CRACR2A: variants seen among roughly 807,000 people sequenced by gnomAD.
The protein encoded by CRACR2A is EF-hand calcium-binding domain-containing protein 4B.
CRACR2A carries 79 observed loss-of-function variants against 90.5 expected under a neutral mutation model. The observed-to-expected ratio is 0.87, with a 90% CI of 0.73 to 1.05. CRACR2A has a LOEUF of 1.05. CRACR2A is among the 50% of genes least tolerant of loss of function. The pLI, the probability that CRACR2A is intolerant of heterozygous loss-of-function variation, is 0.00. For synonymous variants in CRACR2A, 338 were observed against 356.7 expected (o/e 0.95, Z 0.59); for missense variants, 823 against 897.2 (o/e 0.92, Z 1.06).
At chr12:3,748,267 A>G (rs1023434355) in intron 1 of CRACR2A, among the ~76,000 whole-genome samples, 1 of 152,120 alleles carries the variant, frequency 6.6e-6, no homozygotes, top group Non-Finnish European at 1.5e-5. Context: ...GGCCCTTGGA[A>G]TCTGAACCAC....
intron 17 of CRACR2A, among the ~76,000 whole-genome samples, chr12:3,625,876 A>G (rs1306691637): frequency 6.6e-6 from 1 of 152,044 alleles, no homozygotes; most frequent in Non-Finnish European, 1.5e-5. Context: ...TGCAAAGAAG[A>G]TAAATCTGCT....
intron 1 of CRACR2A, among the ~76,000 whole-genome samples, chr12:3,733,872 G>GACACACACAC (rs56412036): frequency 2.1e-4 from 28 of 136,094 alleles, no homozygotes; most frequent in Admixed American, 7.4e-5. Context: ...AAATTTTCAG[G>GACACACACAC]ACACACACAC....
In CRACR2A at chr12:3,748,658, T is replaced by C. The variant is rs117782464; in HGVS notation, c.-387+4357A>G. 9.4e-4 allele frequency among the ~76,000 whole-genome samples: 143 copies of C among 152,104 alleles called. 2 individuals carry two copies. The East Asian group carries it at 0.023, about 24-fold the overall frequency. On this transcript the variant is annotated intron_variant, in intron 1 of 19. Coordinates refer to ENST00000440314, the MANE Select transcript of CRACR2A (RefSeq NM_001144958.2). ...GTCCCTAATATTGAACTTCAAGAGG[T>C]CCTTCCTGTATCTAACTCAGCCTTC...
intron 6 of CRACR2A, among the ~76,000 whole-genome samples, chr12:3,676,276 C>G (rs1429576214): frequency 6.6e-6 from 1 of 152,144 alleles, no homozygotes; most frequent in East Asian, 1.9e-4. Flanking sequence ...CTCCCAGCCC[C>G]ACAACACACA....
At chr12:3,733,307 C>T (rs1946391027) in intron 1 of CRACR2A, 97 bp from the exon 2 acceptor site, 1 of 152,342 alleles carries the variant, frequency 6.6e-6, no homozygotes, top group Non-Finnish European at 1.5e-5. Context: ...GACACTGTGG[C>T]TTGCTGAAGC....
intron 2 of CRACR2A, 28 bp from the exon 3 acceptor site, chr12:3,713,345 A>G (rs1210284045): frequency 1.0e-6 from 1 of 977,618 alleles, no homozygotes; most frequent in Admixed American, 6.2e-5. Flanking sequence ...GATGAATCAC[A>G]CCTTATTTTC....
In CRACR2A at chr12:3,693,816, C is replaced by T. The variant is rs192801681; in HGVS notation, c.228+2956G>A. On this transcript the variant is annotated intron_variant, in intron 4 of 19. Coordinates refer to ENST00000440314, the MANE Select transcript of CRACR2A (RefSeq NM_001144958.2). The stretch of plus-strand genomic sequence containing the variant: ...GATGATCTTCTTGTGAAGTATCTTA[C>T]TGGGGTTCTTTGCATCTGGCTGTGC... Among the ~76,000 whole-genome samples the T allele has an allele frequency of 6.6e-5, 10 of 152,244 alleles. No individual in the cohort carries two copies. The East Asian group carries it at 1.5e-3, about 23-fold the overall frequency.
intron 11 of CRACR2A, chr12:3,647,964 T>C: frequency 2.0e-6 from 2 of 985,620 alleles, no homozygotes; most frequent in Non-Finnish European, 2.4e-6. Context: ...TTGAGTTTAT[T>C]GCTGGGGGTC....
chr12:3,634,385 G>T (rs1162602588), intron 14 of CRACR2A, among the ~76,000 whole-genome samples: 1 of 152,190 alleles, frequency 6.6e-6, no homozygotes. Flanking sequence ...CACTTAGGAA[G>T]CTGGGAAATG....
intron 10 of CRACR2A, among the ~76,000 whole-genome samples, chr12:3,652,253 C>T (rs948870942): frequency 3.3e-5 from 5 of 152,114 alleles, no homozygotes; most frequent in Non-Finnish European, 7.3e-5. Context: ...ATGTTTGTTG[C>T]TTTTAGAGCT....
chr12:3,657,458 C>G (rs1565477749), intron 8 of CRACR2A, among the ~76,000 whole-genome samples: 1 of 152,216 alleles, frequency 6.6e-6, no homozygotes, highest in Non-Finnish European at 1.5e-5. Context: ...ACACGGCCCC[C>G]TCGGGCCAGA....
chr12:3,700,109 A>G (rs1337761945), intron 3 of CRACR2A, among the ~76,000 whole-genome samples: 1 of 152,178 alleles, frequency 6.6e-6, no homozygotes, highest in Non-Finnish European at 1.5e-5. Flanking sequence ...TGAAGCCCCT[A>G]CCGAACAGGA....
At chr12:3,734,926 C>T (rs936259659) in intron 1 of CRACR2A, among the ~76,000 whole-genome samples, 7 of 151,954 alleles carry the variant, frequency 4.6e-5, no homozygotes, top group Non-Finnish European at 1.0e-4. Flanking sequence ...TGTGGATAAG[C>T]GGGTAAGTTC....
chr12:3,657,260 G>A (rs1451051426), intron 8 of CRACR2A, among the ~76,000 whole-genome samples: 1 of 152,260 alleles, frequency 6.6e-6, no homozygotes, highest in Non-Finnish European at 1.5e-5. Context: ...CACTCCACTT[G>A]CCTGAAGGCG....
intron 4 of CRACR2A, among the ~76,000 whole-genome samples, chr12:3,691,692 C>T (rs559131387): frequency 1.6e-4 from 24 of 152,292 alleles, no homozygotes; most frequent in African/African-American, 5.8e-4. Flanking sequence ...ATGTTGGCCT[C>T]TCTAGCTAGG....
chr12:3,639,476 A>ACACACACG (rs1408970383), intron 13 of CRACR2A, among the ~76,000 whole-genome samples: 1 of 151,872 alleles, frequency 6.6e-6, no homozygotes, highest in South Asian at 2.1e-4. Flanking sequence ...ACACACACAC[A>ACACACACG]CGCATGCAAG....
intron 17 of CRACR2A, among the ~76,000 whole-genome samples, chr12:3,626,647 G>A (rs548444548): frequency 4.6e-5 from 7 of 152,272 alleles, no homozygotes; most frequent in Non-Finnish European, 8.8e-5. Context: ...TGGAAGGGGC[G>A]GGACATCCTG....
At chr12:3,650,587 CTG>C (rs1341561421) in intron 10 of CRACR2A, among the ~76,000 whole-genome samples, 2 of 152,202 alleles carry the variant, frequency 1.3e-5, no homozygotes, top group African/African-American at 4.8e-5. Context: ...GCTCCCGACT[CTG>C]AGCCCTGGGA....
At chr12:3,680,140 A>T in intron 5 of CRACR2A, 98 bp downstream of exon 5, 1 of 959,758 alleles carries the variant, frequency 1.0e-6, no homozygotes, top group Non-Finnish European at 1.6e-6. Context: ...GGAAAGCTTT[A>T]CTACCTGCCC....
Sources: allele counts gnomAD v4.1 joint callset (sites outside exome capture counted in the v4.1 genomes callset), GRCh38; gene constraint gnomAD v4.1.1; transcripts MANE v1.5; gene names NCBI Gene and HGNC (gene_info 2026-07-23, HGNC 2026-07-21).